RAB11FIP3: variants seen among roughly 807,000 people sequenced by gnomAD.
The protein encoded by RAB11FIP3 is RAB11 family interacting protein 3, also known as rab11 family-interacting protein 3.
In RAB11FIP3, 17 loss-of-function variants were observed where a neutral mutation model predicts 77.8. The observed-to-expected ratio is 0.22, with a 90% CI of 0.15 to 0.33. RAB11FIP3 has a LOEUF of 0.33. RAB11FIP3 is among the 10% of genes least tolerant of loss of function. The pLI, the probability that RAB11FIP3 is intolerant of heterozygous loss-of-function variation, is 1.00. For missense variants in RAB11FIP3, 1,005 were observed against 1,011.2 expected, an observed-to-expected ratio of 0.99 and a Z score of 0.08; for synonymous variants, 437 against 448.2, an observed-to-expected ratio of 0.98 and a Z score of 0.31.
intron 6 of RAB11FIP3, 91 bp downstream of exon 6, chr16:496,950 A>G: frequency 7.2e-7 from 1 of 1,392,230 alleles, no homozygotes; most frequent in Middle Eastern, 1.8e-4. Flanking sequence ...GTTCTTTTCC[A>G]AGGTATTTTT....
At chr16:492,635 C>T (rs994671578) in intron 5 of RAB11FIP3, among the ~76,000 whole-genome samples, 2 of 151,726 alleles carry the variant, frequency 1.3e-5, no homozygotes, top group Admixed American at 6.6e-5. Context: ...GGCCCGGCGA[C>T]GATGGCTCAG....
intron 3 of RAB11FIP3, among the ~76,000 whole-genome samples, chr16:474,504 C>T (rs2055864894): frequency 6.6e-6 from 1 of 151,964 alleles, no homozygotes; most frequent in Non-Finnish European, 1.5e-5. Flanking sequence ...ATGGTGATGT[C>T]TGAGGATCTG....
intron 12 of RAB11FIP3, 49 bp downstream of exon 12, chr16:520,326 C>T: frequency 6.4e-7 from 1 of 1,556,684 alleles, no homozygotes; most frequent in Non-Finnish European, 8.7e-7. Context: ...GAAGCTTCCA[C>T]AAGACTGGTT....
chr16:481,006 TC>T (rs2056029184), intron 3 of RAB11FIP3, among the ~76,000 whole-genome samples: 1 of 125,922 alleles, frequency 7.9e-6, no homozygotes, highest in Non-Finnish European at 1.9e-5. Context: ...ACGGGGTTTT[TC>T]CATATTGGTC....
At chr16:488,711 C>CTTTT (rs3079539) in intron 4 of RAB11FIP3, 140 bp from the exon 5 acceptor site, 508 of 580,484 alleles carry the variant, frequency 8.8e-4, no homozygotes, top group Middle Eastern at 2.0e-3. Flanking sequence ...ATCCAGCCCA[C>CTTTT]TTTTTTTTTT....
intron 1 of RAB11FIP3, among the ~76,000 whole-genome samples, chr16:457,166 C>T (rs1397831199): frequency 6.6e-6 from 1 of 152,152 alleles, no homozygotes; most frequent in Non-Finnish European, 1.5e-5. Flanking sequence ...GCTGTGAAGC[C>T]ATAATACAGT....
At chr16:494,324 A>C (rs1199321074) in intron 5 of RAB11FIP3, among the ~76,000 whole-genome samples, 1 of 151,356 alleles carries the variant, frequency 6.6e-6, no homozygotes, top group Non-Finnish European at 1.5e-5. Flanking sequence ...AATAAGATAA[A>C]ATTAAATTTG....
At chr16:486,737 TGAG>T (rs1275951120) in intron 4 of RAB11FIP3, among the ~76,000 whole-genome samples, 2 of 152,190 alleles carry the variant, frequency 1.3e-5, no homozygotes, top group Non-Finnish European at 2.9e-5. Flanking sequence ...AGAAGTGTCC[TGAG>T]GAGAGGAGGA....
intron 5 of RAB11FIP3, among the ~76,000 whole-genome samples, chr16:492,275 G>T (rs1329661063): frequency 6.6e-6 from 1 of 151,996 alleles, no homozygotes; most frequent in Non-Finnish European, 1.5e-5. Flanking sequence ...GAGGATGGGG[G>T]TGGGGCCCGG....
Position 471,446 on chromosome 16 carries a change from T to C in RAB11FIP3, c.903+57T>C, listed in dbSNP as rs1161921711. The C allele has an allele frequency of 7.1e-7, 1 of 1,399,800 alleles. No homozygotes were observed. Among genetic ancestry groups the C allele is most frequent in the Non-Finnish European group, 1.0e-6 (1 of 1,003,414 alleles). 86.7% of individuals were successfully genotyped at this position (1,399,800 alleles called of 1,614,324 possible). A position where few individuals can be genotyped will look rare whatever the true frequency, so the allele number is the denominator to read the frequency against. ...AGTCTGGCATCCACCTCTTCCTTTATGCCCTACAGCTCGTGCCTCCTGCCT... is the reference window on the plus strand; with the variant it reads ...AGTCTGGCATCCACCTCTTCCTTTACGCCCTACAGCTCGTGCCTCCTGCCT... On this transcript the variant is annotated intron_variant, in intron 3 of 13. Transcript: ENST00000262305. This position sits in a 1 kb window ranked among gnomAD's most constrained non-coding sequence, Gnocchi z 4.4.
Position 472,548 on chromosome 16 carries a change from C to T in RAB11FIP3, c.903+1159C>T, listed in dbSNP as rs921192637. On this transcript the variant is annotated intron_variant, in intron 3 of 13. Transcript: ENST00000262305. The surrounding 1 kb of genome is among the most constrained non-coding windows in gnomAD (Gnocchi z 4.1). ...TGGCTCCTGTGCCCTGAGAAGGACCCGGCTTCTTCACGAGGAGATGCCCAA... is the reference window on the plus strand; with the variant it reads ...TGGCTCCTGTGCCCTGAGAAGGACCTGGCTTCTTCACGAGGAGATGCCCAA... Among the ~76,000 whole-genome samples, 1 of 152,186 alleles carries T rather than the reference C, an allele frequency of 6.6e-6. No homozygotes were observed. The highest frequency in any genetic ancestry group is 1.5e-5 in the Non-Finnish European group (1 of 68,014).
chr16:463,508 G>A (rs950299523), intron 2 of RAB11FIP3, among the ~76,000 whole-genome samples: 1 of 136,584 alleles, frequency 7.3e-6, no homozygotes, highest in African/African-American at 2.8e-5. Context: ...GCATGATTTC[G>A]TCTCACTGCA....
rs146262970 is a variant in RAB11FIP3 at position 499,927 on chromosome 16, C to T, written c.1301+3068C>T. ...CACAAGATTTAATCTGTTGTTTTGC[C>T]CCAAATCTGCCACAAGAGGCTAAGG... On this transcript the variant is annotated intron_variant, in intron 6 of 13. Transcript: ENST00000262305. Among the ~76,000 whole-genome samples the T allele has an allele frequency of 1.9e-4, 29 of 152,240 alleles. No homozygotes were observed. In the East Asian group the frequency reaches 5.4e-3, roughly 28 times the overall value.
intron 5 of RAB11FIP3, among the ~76,000 whole-genome samples, chr16:491,559 A>G (rs932138345): frequency 6.6e-6 from 1 of 152,224 alleles, no homozygotes; most frequent in African/African-American, 2.4e-5. Context: ...GCATTTTACT[A>G]AAAGATTTCT....
At chr16:445,669 T>G (rs1409572489) in intron 1 of RAB11FIP3, among the ~76,000 whole-genome samples, 1 of 152,000 alleles carries the variant, frequency 6.6e-6, no homozygotes, top group Non-Finnish European at 1.5e-5. Context: ...TGCTGTTGGC[T>G]CCTGTAGCGG....
At chr16:430,422 G>C (rs2055017753) in intron 1 of RAB11FIP3, among the ~76,000 whole-genome samples, 1 of 152,116 alleles carries the variant, frequency 6.6e-6, no homozygotes. Flanking sequence ...ACCTTGGTAG[G>C]CATTGTCTGT....
At chr16:498,367 G>A (rs974773391) in intron 6 of RAB11FIP3, among the ~76,000 whole-genome samples, 1 of 152,148 alleles carries the variant, frequency 6.6e-6, no homozygotes, top group African/African-American at 2.4e-5. Flanking sequence ...TAGAGATGGA[G>A]TTTCACTACG....
At position 426,495 on chromosome 16, in the gene RAB11FIP3, C is replaced by A; in HGVS notation, c.489C>A (p.Pro163=). The A allele has an allele frequency of 6.3e-7, 1 of 1,579,872 alleles. No homozygotes were observed. Among genetic ancestry groups the A allele is most frequent in the Admixed American group, 1.8e-5 (1 of 54,464 alleles). Reference sequence around the variant, plus strand: ...GGGGCGAGGTCGACGTCTTCTCTCCCTTCCCCGCGCCCACGGCGGGCGAGC... The same window carrying A: ...GGGGCGAGGTCGACGTCTTCTCTCCATTCCCCGCGCCCACGGCGGGCGAGC... ...RARGEVDVFS[P]FPAPTAGELA... Residue 163 remains proline, a synonymous_variant, in exon 1 of 14, where the codon CCC becomes CCA. Coordinates refer to ENST00000262305, the MANE Select transcript of RAB11FIP3 (RefSeq NM_014700.4). The surrounding 1 kb of genome is among the most constrained non-coding windows in gnomAD (Gnocchi z 5.0).
chr16:498,119 C>T (rs2031276333), intron 6 of RAB11FIP3, among the ~76,000 whole-genome samples: 2 of 152,100 alleles, frequency 1.3e-5, no homozygotes, highest in South Asian at 4.2e-4. Context: ...TCCCAAAATT[C>T]TCGGATTACA....
Sources: gnomAD v4.1 joint callset for allele counts (sites outside exome capture counted in the v4.1 genomes callset) on GRCh38, gnomAD v4.1.1 for gene constraint, Gnocchi (gnomAD v3.1) non-coding constraint, MANE v1.5 for transcripts, NCBI Gene and HGNC (gene_info 2026-07-23, HGNC 2026-07-21) for gene names.